ANKRD34C: variants seen among roughly 807,000 people sequenced by gnomAD.
ANKRD34C encodes ankyrin repeat domain-containing protein 34C.
For synonymous variants in ANKRD34C, 260 were observed against 253.6 expected (o/e 1.03, Z -0.24); for missense variants, 563 against 653.0 (o/e 0.86, Z 1.50).
At chr15:79,287,915 C>A (rs766577711) in intron 1 of ANKRD34C, among the ~76,000 whole-genome samples, 18 of 152,332 alleles carry the variant, frequency 1.2e-4, no homozygotes, top group Admixed American at 2.0e-4. Flanking sequence ...GTTTCTCAGC[C>A]TCAATTTCAA....
chr15:79,286,452 T>C (rs1222004634), intron 1 of ANKRD34C, among the ~76,000 whole-genome samples: 1 of 152,242 alleles, frequency 6.6e-6, no homozygotes, highest in Admixed American at 6.5e-5. Context: ...AGATTGTTTC[T>C]TTTCTCTCCA....
At position 79,297,670 on chromosome 15, in the gene ANKRD34C, A is replaced by G. The variant is rs990564956; in HGVS notation, c.*2778A>G. ...TGAGTTCGCCGAATTAGACTGTTCTATACCAGTACAACAACCAAAATACTT... is the reference window on the plus strand; with the variant it reads ...TGAGTTCGCCGAATTAGACTGTTCTGTACCAGTACAACAACCAAAATACTT... On this transcript the variant is annotated 3_prime_UTR_variant, in exon 2 of 2. Coordinates refer to ENST00000421388, the MANE Select transcript of ANKRD34C (RefSeq NM_001146341.2). The G allele has an allele frequency of 2.4e-5, 4 of 167,108 alleles. No homozygotes were observed. The Admixed American group carries it at 2.6e-4, about 11-fold the overall frequency. The allele number at this position is 167,108 out of a possible 1,614,324, so 10.4% of individuals were successfully genotyped here.
Position 79,294,125 on chromosome 15 carries a change from G to A in ANKRD34C, c.841G>A (p.Val281Ile). The change falls in exon 2 of 2, where the codon GTC becomes ATC. Residue 281 changes from valine to isoleucine, a missense_variant. By Grantham distance (29) the Val-to-Ile change is conservative (BLOSUM62 3). Coordinates refer to ENST00000421388, the MANE Select transcript of ANKRD34C (RefSeq NM_001146341.2). The stretch of plus-strand genomic sequence containing the variant: ...CCATGGTGCCAGCACAGACAACGAG[G>A]TCATCAAGAGCATCAGTGATATATC... ...ETHGASTDNE[V>I]IKSISDISFP... is the part of the protein sequence containing the mutation. 6.4e-7 allele frequency: 1 copy of A among 1,551,540 alleles called. No homozygotes were observed. The highest frequency in any genetic ancestry group is 8.7e-7 in the Non-Finnish European group (1 of 1,146,998).
Position 79,293,763 on chromosome 15 carries a change from G to T in ANKRD34C, c.479G>T (p.Gly160Val). The change falls in exon 2 of 2, where the codon GGC (glycine) becomes GTC (valine). Residue 160 changes from glycine to valine, a missense_variant. Transcript: ENST00000421388. ...IIITTDKSSS[G>V]TKTTKQYLNV... ...ATAACAACAGATAAATCGTCTTCAG[G>T]CACCAAAACCACCAAACAGTATCTT... is the stretch of plus-strand genomic sequence containing the variant. 1 of 1,551,720 alleles carries T rather than the reference G, an allele frequency of 6.4e-7. No individual in the cohort carries two copies. Among genetic ancestry groups the T allele is most frequent in the Non-Finnish European group, 8.7e-7 (1 of 1,147,004 alleles).
chr15:79,293,165 C>G, intron 1 of ANKRD34C, 76 bp from the exon 2 acceptor site: 1 of 1,136,538 alleles, frequency 8.8e-7, no homozygotes, highest in East Asian at 2.6e-5. Context: ...TGACTGTACC[C>G]AGACCCCGTA....
chr15:79,283,093 T>C lies in ANKRD34C; in HGVS notation c.-180T>C, dbSNP rs146938555. 2.4e-3 allele frequency among the ~76,000 whole-genome samples: 369 copies of C among 152,308 alleles called. 5 individuals carry two copies. Among genetic ancestry groups the C allele is most frequent in the African/African-American group, 8.5e-3 (353 of 41,572 alleles). ...CCCAGCTCCCGGCGCTGGTTCAGTC[T>C]GGCAGTGCCCTCTGGCAGCCAACCC... is the stretch of plus-strand genomic sequence containing the variant. On this transcript the variant is annotated 5_prime_UTR_variant, in exon 1 of 2. Coordinates refer to ENST00000421388, the MANE Select transcript of ANKRD34C (RefSeq NM_001146341.2).
Position 79,293,784 on chromosome 15 carries a change from A to G in ANKRD34C, c.500A>G (p.Tyr167Cys), listed in dbSNP as rs1388067328. The G allele has an allele frequency of 2.6e-6, 4 of 1,551,758 alleles. No homozygotes were observed. The highest frequency in any genetic ancestry group is 2.4e-5 in the South Asian group (2 of 84,060). ...TCAGGCACCAAAACCACCAAACAGT[A>G]TCTTAATGTCCCTCCTTCACCCAAA... ...SSSGTKTTKQYLNVPPSPKVE... is the reference protein window; with the variant it reads ...SSSGTKTTKQCLNVPPSPKVE... Residue 167 changes from tyrosine to cysteine, a missense_variant, in exon 2 of 2, where the codon TAT (tyrosine) becomes TGT (cysteine). Coordinates refer to ENST00000421388, the MANE Select transcript of ANKRD34C (RefSeq NM_001146341.2).
intron 1 of ANKRD34C, among the ~76,000 whole-genome samples, chr15:79,291,583 CACACACACACACACACACAGAGAGAG>C (rs1567016022): frequency 1.7e-5 from 2 of 116,880 alleles, no homozygotes; most frequent in African/African-American, 6.7e-5. Flanking sequence ...CACACACACA[CACACACACACACACACACAGAGAGAG>C]AGAGAGAGAG....
chr15:79,293,965 T>C lies in ANKRD34C; in HGVS notation c.681T>C (p.Asn227=). Residue 227 remains asparagine, a synonymous_variant, in exon 2 of 2, where the codon AAT becomes AAC. Transcript: ENST00000421388. Reference sequence around the variant, plus strand: ...GTTGTAACACCTCCAAGGCTGTTAATGAGCCTGGGTCACCCACCAGGAAAG... The same window carrying C: ...GTTGTAACACCTCCAAGGCTGTTAACGAGCCTGGGTCACCCACCAGGAAAG... ...PSSCNTSKAV[N]EPGSPTRKVS... 6.4e-7 allele frequency: 1 copy of C among 1,551,718 alleles called. No individual in the cohort carries two copies. The highest frequency in any genetic ancestry group is 8.7e-7 in the Non-Finnish European group (1 of 1,146,982).
chr15:79,294,236 C>T lies in ANKRD34C; in HGVS notation c.952C>T (p.Leu318=). 1 of 1,551,572 alleles carries T rather than the reference C, an allele frequency of 6.4e-7. No homozygotes were observed. Among genetic ancestry groups the T allele is most frequent in the Non-Finnish European group, 8.7e-7 (1 of 1,146,934 alleles). Reference sequence around the variant, plus strand: ...CTTTCACACAGTCACAGAGCAGGTTCTGAAGATTCCAGTCTCTTCAGCACC... The same window carrying T: ...CTTTCACACAGTCACAGAGCAGGTTTTGAAGATTCCAGTCTCTTCAGCACC... ...TLFHTVTEQV[L]KIPVSSAPAS... The change falls in exon 2 of 2, where the codon CTG becomes TTG. Residue 318 remains leucine (L), a synonymous_variant. Coordinates refer to ENST00000421388, the MANE Select transcript of ANKRD34C (RefSeq NM_001146341.2).
At chr15:79,286,945 A>G (rs2141200398) in intron 1 of ANKRD34C, among the ~76,000 whole-genome samples, 2 of 152,246 alleles carry the variant, frequency 1.3e-5, no homozygotes, top group South Asian at 4.1e-4. Context: ...ATGTTCTGCT[A>G]CCTTTTGCCT....
chr15:79,293,471 A>G lies in ANKRD34C; in HGVS notation c.187A>G (p.Ser63Gly). ...CAAACATGTGGACCAGCAAAGCATC[A>G]GCAAGTCCAAGATGGTGAAGTACCT... ...ITKHVDQQSISKSKMVKYLLD... is the reference protein window; with the variant it reads ...ITKHVDQQSIGKSKMVKYLLD... Residue 63 changes from serine (S) to glycine (G), a missense_variant, in exon 2 of 2, where the codon AGC becomes GGC. Transcript: ENST00000421388. 1 of 1,551,722 alleles carries G rather than the reference A, an allele frequency of 6.4e-7. No individual in the cohort carries two copies. Among genetic ancestry groups the G allele is most frequent in the African/African-American group, 1.4e-5 (1 of 73,184 alleles).
chr15:79,294,746 G>C lies in ANKRD34C; in HGVS notation c.1462G>C (p.Ala488Pro), dbSNP rs2058668442. Residue 488 changes from alanine to proline, a missense_variant, in exon 2 of 2, where the codon GCT (alanine) becomes CCT (proline). By Grantham distance (27) the Ala-to-Pro change is conservative (BLOSUM62 -1). Transcript: ENST00000421388. ...RSSSKPSCSL[A>P]SGLKSMVPVA... is the part of the protein sequence containing the mutation. ...TAGCAGCAAACCTTCTTGCTCTCTT[G>C]CTAGTGGCTTAAAATCTATGGTTCC... is the stretch of plus-strand genomic sequence containing the variant. The C allele has an allele frequency of 1.3e-6, 2 of 1,551,604 alleles. No homozygotes were observed. The highest frequency in any genetic ancestry group is 2.4e-5 in the South Asian group (2 of 84,072).
chr15:79,294,790 A>G lies in ANKRD34C; in HGVS notation c.1506A>G (p.Pro502=). The part of the protein sequence containing the change: ...KSMVPVAPSS[P]KRVDLRSKKK... ...TGGTTCCTGTTGCTCCAAGTTCACC[A>G]AAGAGAGTTGACTTAAGAAGTAAAA... Residue 502 remains proline, a synonymous_variant, in exon 2 of 2, where the codon CCA becomes CCG. Transcript: ENST00000421388. 3 of 1,551,746 alleles carry G rather than the reference A, an allele frequency of 1.9e-6. No homozygotes were observed. Among genetic ancestry groups the G allele is most frequent in the East Asian group, 2.4e-5 (1 of 40,928 alleles).
chr15:79,297,270 A>AAG lies in ANKRD34C; in HGVS notation c.*2390_*2391dup, dbSNP rs1163786012. On this transcript the variant is annotated 3_prime_UTR_variant, in exon 2 of 2. Coordinates refer to ENST00000421388, the MANE Select transcript of ANKRD34C (RefSeq NM_001146341.2). ...CATTAAATGCAAATACACACACGCA[A>AAG]AGAGAGAGAGAGAACACATTTTACA... 2 of 166,954 alleles carry AAG rather than the reference A, an allele frequency of 1.2e-5. No individual in the cohort carries two copies. The highest frequency in any genetic ancestry group is 6.6e-5 in the Admixed American group (1 of 15,232). The allele number at this position is 166,954 out of a possible 1,614,324, so 10.3% of individuals were successfully genotyped here. A position where few individuals can be genotyped will look rare whatever the true frequency, so the allele number is the denominator to read the frequency against.
intron 1 of ANKRD34C, among the ~76,000 whole-genome samples, chr15:79,292,176 C>T (rs2058661584): frequency 6.6e-6 from 1 of 152,170 alleles, no homozygotes; most frequent in Non-Finnish European, 1.5e-5. Flanking sequence ...CATTAGGAAC[C>T]TGGAGGCACA....
At position 79,293,449 on chromosome 15, in the gene ANKRD34C, A is replaced by G; in HGVS notation, c.165A>G (p.Lys55=). 6.4e-7 allele frequency: 1 copy of G among 1,551,544 alleles called. No homozygotes were observed. Among genetic ancestry groups the G allele is most frequent in the Non-Finnish European group, 8.7e-7 (1 of 1,146,916 alleles). ...ETALMVACIT[K]HVDQQSISKS... ...CTCTCATGGTGGCGTGCATCACCAA[A>G]CATGTGGACCAGCAAAGCATCAGCA... Residue 55 remains lysine (K), a synonymous_variant, in exon 2 of 2, where the codon AAA becomes AAG. Coordinates refer to ENST00000421388, the MANE Select transcript of ANKRD34C (RefSeq NM_001146341.2).
chr15:79,294,317 A>G lies in ANKRD34C; in HGVS notation c.1033A>G (p.Arg345Gly). Residue 345 changes from arginine to glycine, a missense_variant, in exon 2 of 2, where the codon AGG (arginine) becomes GGG (glycine). By Grantham distance (125) the Arg-to-Gly change is moderately radical. Coordinates refer to ENST00000421388, the MANE Select transcript of ANKRD34C (RefSeq NM_001146341.2). ...KGQAPHPRLARRGTLPVDQEK... is the reference protein window; with the variant it reads ...KGQAPHPRLAGRGTLPVDQEK... The stretch of plus-strand genomic sequence containing the variant: ...TCAGGCTCCCCACCCACGTCTGGCC[A>G]GGAGAGGAACTCTCCCTGTTGACCA... The G allele has an allele frequency of 6.4e-7, 1 of 1,551,698 alleles. No homozygotes were observed. The highest frequency in any genetic ancestry group is 8.7e-7 in the Non-Finnish European group (1 of 1,146,992).
chr15:79,294,164 G>T lies in ANKRD34C; in HGVS notation c.880G>T (p.Gly294Trp), dbSNP rs2058666663. 1 of 1,551,504 alleles carries T rather than the reference G, an allele frequency of 6.4e-7. No individual in the cohort carries two copies. Among genetic ancestry groups the T allele is most frequent in the Non-Finnish European group, 8.7e-7 (1 of 1,146,978 alleles). ...CAGTGATATATCCTTCCCTAAAAGG[G>T]GGCCCCTCTCCAGAACCAACAGTAT... ...SISDISFPKR[G>W]PLSRTNSIDS... The change falls in exon 2 of 2, where the codon GGG becomes TGG. Residue 294 changes from glycine (G) to tryptophan (W), a missense_variant. By Grantham distance (184) the Gly-to-Trp change is radical. Coordinates refer to ENST00000421388, the MANE Select transcript of ANKRD34C (RefSeq NM_001146341.2).
Sources: gnomAD v4.1 joint callset for allele counts (sites outside exome capture counted in the v4.1 genomes callset) on GRCh38, gnomAD v4.1.1 for gene constraint, MANE v1.5 for transcripts, NCBI Gene and HGNC (gene_info 2026-07-23, HGNC 2026-07-21) for gene names.